The following EFCAB6 variants were observed in gnomAD, a reference collection of about 807,000 sequenced individuals.
EFCAB6 encodes the protein EF-hand calcium-binding domain-containing protein 6.
In EFCAB6, 156 loss-of-function variants were observed where a neutral mutation model predicts 169.8. The ratio of observed to expected loss-of-function variants is 0.92; its 90% CI spans 0.81 to 1.05. The LOEUF is 1.05. Ranked by LOEUF, EFCAB6 falls within the 50% of genes least tolerant of loss-of-function variation. The probability of loss-of-function intolerance (pLI) is 0.00; values close to 1 mark genes in which losing one functional copy is unlikely to be tolerated. For synonymous variants in EFCAB6, 698 were observed against 676.4 expected (o/e 1.03, Z -0.50); for missense variants, 1,800 against 1,829.1 (o/e 0.98, Z 0.29).
chr22:43,717,780 C>T (rs779356720), intron 8 of EFCAB6, among the ~76,000 whole-genome samples: 3 of 151,914 alleles, frequency 2.0e-5, no homozygotes, highest in Non-Finnish European at 4.4e-5. Context: ...GGCTACTCAC[C>T]GAATTCACAT....
intron 7 of EFCAB6, 57 bp from the exon 8 acceptor site, chr22:43,731,868 T>G: frequency 9.0e-7 from 1 of 1,107,126 alleles, no homozygotes; most frequent in Non-Finnish European, 1.3e-6. Flanking sequence ...TGAAGCAAGT[T>G]TGTTACTAAG....
chr22:43,708,493 G>C (rs115765807), intron 10 of EFCAB6, among the ~76,000 whole-genome samples: 114 of 152,124 alleles, frequency 7.5e-4, no homozygotes, highest in Middle Eastern at 3.4e-3. Flanking sequence ...ATAAGAGGTA[G>C]GGGGAAGAAT....
intron 13 of EFCAB6, among the ~76,000 whole-genome samples, chr22:43,676,260 A>G (rs972305764): frequency 6.6e-6 from 1 of 151,824 alleles, no homozygotes; most frequent in Admixed American, 6.6e-5. Context: ...TACTAAACAT[A>G]CAAAAAATTA....
intron 23 of EFCAB6, among the ~76,000 whole-genome samples, chr22:43,595,350 A>G (rs2051915179): frequency 6.6e-6 from 1 of 152,164 alleles, no homozygotes; most frequent in Non-Finnish European, 1.5e-5. Flanking sequence ...TTGAAAAGAT[A>G]AACAAAATTG....
rs148721948 is a variant in EFCAB6 at position 43,543,751 on chromosome 22, G to A, written c.3649-3394C>T. Among the ~76,000 whole-genome samples, 88 of 152,180 alleles carry A rather than the reference G, an allele frequency of 5.8e-4. 6 individuals are homozygous for A. The East Asian group carries it at 0.015, about 25-fold the overall frequency. ...CCGAGGCCCAGGATGCCTCCACCCC[G>A]TCAGGAGCCCAGCACCAGCAAAGGC... On this transcript the variant is annotated intron_variant, in intron 27 of 31. Coordinates refer to ENST00000262726, the MANE Select transcript of EFCAB6 (RefSeq NM_022785.4).
At chr22:43,635,609 T>C (rs1018164864) in intron 17 of EFCAB6, among the ~76,000 whole-genome samples, 1 of 152,182 alleles carries the variant, frequency 6.6e-6, no homozygotes, top group African/African-American at 2.4e-5. Flanking sequence ...GCAAGGTAGT[T>C]TGAGGAGGGA....
Position 43,716,977 on chromosome 22 carries a change from T to C in EFCAB6, c.758-5A>G. On this transcript the variant is annotated splice_region_variant and splice_polypyrimidine_tract_variant and intron_variant, in intron 8 of 31. Transcript: ENST00000262726. ...GTTGATTCTCCAACGAGACCTCTGT[T>C]GAAACAAAATAGCTTCGGCTTATCA... The C allele has an allele frequency of 6.6e-7, 1 of 1,513,364 alleles. No individual in the cohort carries two copies. Among genetic ancestry groups the C allele is most frequent in the Non-Finnish European group, 8.8e-7 (1 of 1,132,324 alleles). 93.7% of individuals were successfully genotyped at this position (1,513,364 alleles called of 1,614,324 possible). A position where few individuals can be genotyped will look rare whatever the true frequency, so the allele number is the denominator to read the frequency against.
intron 8 of EFCAB6, among the ~76,000 whole-genome samples, chr22:43,720,699 G>C (rs576300325): frequency 6.6e-6 from 1 of 152,120 alleles, no homozygotes; most frequent in Middle Eastern, 3.4e-3. Flanking sequence ...AGAAGGACTT[G>C]TGAGGAAGTT....
At chr22:43,606,892 C>T (rs941896872) in intron 22 of EFCAB6, among the ~76,000 whole-genome samples, 1 of 152,190 alleles carries the variant, frequency 6.6e-6, no homozygotes, top group African/African-American at 2.4e-5. Context: ...TCTCATTTCC[C>T]ACATGGCAAC....
At chr22:43,697,503 C>CT (rs538817986) in intron 10 of EFCAB6, among the ~76,000 whole-genome samples, 20 of 151,998 alleles carry the variant, frequency 1.3e-4, no homozygotes, top group Non-Finnish European at 2.4e-4. Flanking sequence ...TATGGTAGTT[C>CT]TTTTTTTTCC....
At chr22:43,638,244 TGGAGGCGACATACAATAAGAA>T (rs1396390542) in intron 17 of EFCAB6, among the ~76,000 whole-genome samples, 1 of 152,214 alleles carries the variant, frequency 6.6e-6, no homozygotes, top group Non-Finnish European at 1.5e-5. Flanking sequence ...TCATGACCCT[TGGAGGCGACATACAATAAGAA>T]GGAAGGCTCA....
At position 43,600,070 on chromosome 22, in the gene EFCAB6, T is replaced by A; in HGVS notation, c.2875A>T (p.Arg959Trp). ...GCCCCGTGATCCTTCCTCACTCACC[T>A]GGCTGCCACAGCCTTCTCTGTGCTC... is the stretch of plus-strand genomic sequence containing the variant. Reference protein sequence around the residue: ...QQSTEKAVAARDKLMDRHQDI... With the variant: ...QQSTEKAVAAWDKLMDRHQDI... Residue 959 changes from arginine to tryptophan, a missense_variant and splice_region_variant, in exon 23 of 32, where the codon AGG becomes TGG. Physicochemically the swap from Arg to Trp is moderately radical, Grantham distance 101 (BLOSUM62 -3). Coordinates refer to ENST00000262726, the MANE Select transcript of EFCAB6 (RefSeq NM_022785.4). The A allele has an allele frequency of 6.2e-7, 1 of 1,613,398 alleles. No individual in the cohort carries two copies. Among genetic ancestry groups the A allele is most frequent in the Non-Finnish European group, 8.5e-7 (1 of 1,179,650 alleles).
At chr22:43,787,652 C>T (rs140826542) in intron 2 of EFCAB6, among the ~76,000 whole-genome samples, 1 of 152,236 alleles carries the variant, frequency 6.6e-6, no homozygotes, top group Admixed American at 6.5e-5. Flanking sequence ...GATGGCAATA[C>T]TCTCCAAACT....
chr22:43,654,345 A>C (rs2056629564), intron 17 of EFCAB6, among the ~76,000 whole-genome samples: 1 of 152,246 alleles, frequency 6.6e-6, no homozygotes. Flanking sequence ...TCTTTCCAAT[A>C]ACGAAGAGGG....
intron 10 of EFCAB6, among the ~76,000 whole-genome samples, chr22:43,704,315 C>G (rs1267876368): frequency 1.3e-5 from 2 of 151,960 alleles, no homozygotes. Flanking sequence ...CCCAGACATA[C>G]AAAAGCTAAG....
At position 43,600,218 on chromosome 22, in the gene EFCAB6, T is replaced by C; in HGVS notation, c.2727A>G (p.Leu909=). Residue 909 remains leucine, a synonymous_variant, in exon 23 of 32, where the codon TTA becomes TTG. Transcript: ENST00000262726. ...GKGHITYQEF[L]QKLGINYSPA... ...GCGAATAGTTAATACCCAATTTCTG[T>C]AAAAATTCCTGGTAAGTAATGTGCC... 1 of 1,614,126 alleles carries C rather than the reference T, an allele frequency of 6.2e-7. No individual in the cohort carries two copies. Among genetic ancestry groups the C allele is most frequent in the South Asian group, 1.1e-5 (1 of 91,070 alleles).
At chr22:43,532,927 C>T (rs1396397719) in intron 30 of EFCAB6, among the ~76,000 whole-genome samples, 3 of 152,250 alleles carry the variant, frequency 2.0e-5, no homozygotes, top group Non-Finnish European at 2.9e-5. Flanking sequence ...TTCCCCAAAT[C>T]GACAGCACCA....
intron 4 of EFCAB6, among the ~76,000 whole-genome samples, chr22:43,771,623 T>C (rs141310479): frequency 1.5e-3 from 225 of 152,226 alleles, no homozygotes; most frequent in African/African-American, 5.3e-3. Flanking sequence ...GTTTGACTCC[T>C]ACTGCATTTC....
At chr22:43,632,363 A>C (rs1426197642) in intron 18 of EFCAB6, 125 bp from the exon 19 acceptor site, 3 of 1,346,576 alleles carry the variant, frequency 2.2e-6, no homozygotes, top group Non-Finnish European at 2.9e-6. Context: ...GCAGTGGTGC[A>C]ATCTCAGCTC....
Sources: allele counts gnomAD v4.1 joint callset (sites outside exome capture counted in the v4.1 genomes callset), GRCh38; gene constraint gnomAD v4.1.1; transcripts MANE v1.5; gene names NCBI Gene and HGNC (gene_info 2026-07-23, HGNC 2026-07-21).